MCUB: variants seen among roughly 807,000 people sequenced by gnomAD.
MCUB encodes mitochondrial calcium uniporter dominant negative subunit beta, also known as calcium uniporter regulatory subunit MCUb, mitochondrial.
In MCUB, 46 loss-of-function variants were observed where a neutral mutation model predicts 41.4. That is an observed-to-expected ratio of 1.11 (90% CI 0.88 to 1.42). The LOEUF (loss-of-function observed/expected upper bound fraction) is 1.42, where lower values mean the gene tolerates loss of function less well. MCUB is among the 40% of genes most tolerant of loss of function. The pLI is 0.00. For missense variants in MCUB, 403 were observed against 404.9 expected, an observed-to-expected ratio of 1.00 and a Z score of 0.04; for synonymous variants, 148 against 148.2, an observed-to-expected ratio of 1.00 and a Z score of 0.01.
intron 4 of MCUB, among the ~76,000 whole-genome samples, chr4:109,681,274 T>G (rs4698780): frequency 0.71 from 107,971 of 152,006 alleles, 39,132 homozygotes; most frequent in African/African-American, 0.86. Context: ...AAGGAAAAGG[T>G]CCTTGAGTCT....
At chr4:109,582,009 C>G (rs1268313593) in intron 1 of MCUB, among the ~76,000 whole-genome samples, 2 of 152,140 alleles carry the variant, frequency 1.3e-5, no homozygotes, top group Non-Finnish European at 2.9e-5. Flanking sequence ...TACCATTTGA[C>G]CCAGCCATCC....
intron 1 of MCUB, among the ~76,000 whole-genome samples, chr4:109,621,071 G>C (rs188439732): frequency 6.8e-4 from 103 of 152,020 alleles, no homozygotes; most frequent in African/African-American, 2.2e-3. Context: ...GCTAATTTTT[G>C]TATTTTTTTA....
chr4:109,584,887 G>A (rs1727268705), intron 1 of MCUB, among the ~76,000 whole-genome samples: 1 of 152,128 alleles, frequency 6.6e-6, no homozygotes, highest in Admixed American at 6.6e-5. Context: ...GGTCAATTTT[G>A]GAGTAAGTGT....
chr4:109,612,518 G>A lies in MCUB; in HGVS notation c.100-46493G>A, dbSNP rs1019451502. 3.3e-5 allele frequency among the ~76,000 whole-genome samples: 5 copies of A among 152,000 alleles called. No individual in the cohort carries two copies. The East Asian group carries it at 9.7e-4, about 30-fold the overall frequency. Reference sequence around the variant, plus strand: ...TGACCTCAGGTGATCTGACTGCCCCGGCCTCCCAAAGTGCTAGGATTATAG... The same window carrying A: ...TGACCTCAGGTGATCTGACTGCCCCAGCCTCCCAAAGTGCTAGGATTATAG... On this transcript the variant is annotated intron_variant, in intron 1 of 7. Coordinates refer to ENST00000394650, the MANE Select transcript of MCUB (RefSeq NM_017918.5).
intron 1 of MCUB, among the ~76,000 whole-genome samples, chr4:109,640,098 G>C (rs894023969): frequency 2.0e-5 from 3 of 152,236 alleles, no homozygotes; most frequent in African/African-American, 7.2e-5. Context: ...AGCAGTTTGT[G>C]GGCAGGGGGT....
At chr4:109,678,454 A>G (rs1402132993) in intron 4 of MCUB, among the ~76,000 whole-genome samples, 20 of 101,896 alleles carry the variant, frequency 2.0e-4, no homozygotes, top group East Asian at 3.2e-4. Context: ...GCGGGCAGAG[A>G]CGCTCCTCAC....
At chr4:109,627,167 A>G (rs1456484121) in intron 1 of MCUB, among the ~76,000 whole-genome samples, 1 of 152,166 alleles carries the variant, frequency 6.6e-6, no homozygotes, top group African/African-American at 2.4e-5. Context: ...TAATATTTTC[A>G]GAAATTTCCT....
intron 4 of MCUB, among the ~76,000 whole-genome samples, chr4:109,674,940 G>A (rs1172488623): frequency 1.3e-5 from 2 of 152,148 alleles, no homozygotes; most frequent in African/African-American, 2.4e-5. Flanking sequence ...AATGACTTAC[G>A]AGCAAGCTGG....
intron 6 of MCUB, chr4:109,685,031 T>A: frequency 2.4e-6 from 1 of 415,946 alleles, no homozygotes; most frequent in Non-Finnish European, 4.2e-6. Flanking sequence ...TTATGTGTAA[T>A]TTCTCTTCCC....
chr4:109,593,923 T>G (rs1027481078), intron 1 of MCUB, among the ~76,000 whole-genome samples: 8 of 152,378 alleles, frequency 5.3e-5, no homozygotes, highest in African/African-American at 1.9e-4. Flanking sequence ...ATTTTCCTAG[T>G]GCTGCCTCTG....
chr4:109,653,177 C>T (rs1335435517), intron 1 of MCUB, among the ~76,000 whole-genome samples: 1 of 152,024 alleles, frequency 6.6e-6, no homozygotes, highest in Non-Finnish European at 1.5e-5. Context: ...GAGTTCAAGA[C>T]CAGCCTGACC....
At chr4:109,665,794 G>A (rs759186457) in intron 4 of MCUB, among the ~76,000 whole-genome samples, 6 of 151,962 alleles carry the variant, frequency 3.9e-5, no homozygotes, top group East Asian at 1.9e-4. Flanking sequence ...TTTCAGATTC[G>A]CTTCTTTCTT....
At chr4:109,659,179 T>A in intron 2 of MCUB, 93 bp downstream of exon 2, 1 of 782,924 alleles carries the variant, frequency 1.3e-6, no homozygotes, top group East Asian at 2.7e-5. Context: ...GAATAGACTT[T>A]TCTTACACTA....
intron 3 of MCUB, among the ~76,000 whole-genome samples, chr4:109,660,721 CAGG>C (rs1729213424): frequency 6.6e-6 from 1 of 151,670 alleles, no homozygotes; most frequent in African/African-American, 2.4e-5. Context: ...GAGGCTGAGG[CAGG>C]AGAATTGCTT....
chr4:109,673,442 A>G (rs1729503314), intron 4 of MCUB, among the ~76,000 whole-genome samples: 1 of 152,186 alleles, frequency 6.6e-6, no homozygotes, highest in African/African-American at 2.4e-5. Context: ...CTAGGGCAGA[A>G]GCCTCCCTGG....
At chr4:109,664,830 C>A (rs1042457152) in intron 4 of MCUB, among the ~76,000 whole-genome samples, 1 of 151,996 alleles carries the variant, frequency 6.6e-6, no homozygotes, top group Admixed American at 6.6e-5. Context: ...TTTAGACTTT[C>A]AGGATTTTAC....
At chr4:109,679,131 A>C (rs1166594903) in intron 4 of MCUB, among the ~76,000 whole-genome samples, 1 of 104,304 alleles carries the variant, frequency 9.6e-6, no homozygotes, top group African/African-American at 3.8e-5. Context: ...CCCAGACGGG[A>C]TGGCCGGGCA....
intron 4 of MCUB, among the ~76,000 whole-genome samples, chr4:109,669,573 G>A (rs1729411870): frequency 6.6e-6 from 1 of 151,788 alleles, no homozygotes; most frequent in African/African-American, 2.4e-5. Context: ...ATTAGTTTGG[G>A]GGGAGTTCTC....
At chr4:109,633,372 A>G (rs1377716950) in intron 1 of MCUB, among the ~76,000 whole-genome samples, 2 of 151,982 alleles carry the variant, frequency 1.3e-5, no homozygotes, top group East Asian at 1.9e-4. Flanking sequence ...GGTTCACGCC[A>G]TTGTCCTGCC....
Sources: allele counts gnomAD v4.1 joint callset (sites outside exome capture counted in the v4.1 genomes callset), GRCh38; gene constraint gnomAD v4.1.1; transcripts MANE v1.5; gene names NCBI Gene and HGNC (gene_info 2026-07-23, HGNC 2026-07-21).